The following XKR4 variants were observed in gnomAD, a reference collection of about 807,000 sequenced individuals.
XKR4 encodes XK related 4, also known as XK-related protein 4.
Under a neutral mutation model 53.9 loss-of-function variants are expected in XKR4, and 12 were observed. The observed-to-expected ratio is 0.22, with a 90% confidence interval of 0.14 to 0.36. The LOEUF is 0.36. XKR4 is among the 10% of genes least tolerant of loss of function. The probability of loss-of-function intolerance (pLI) is 1.00; values close to 1 mark genes in which losing one functional copy is unlikely to be tolerated. For missense variants in XKR4, 799 were observed against 859.5 expected (o/e 0.93, Z 0.88); for synonymous variants, 354 against 362.4 (o/e 0.98, Z 0.26).
intron 1 of XKR4, among the ~76,000 whole-genome samples, chr8:55,311,405 A>G (rs1178597814): frequency 2.6e-5 from 4 of 152,154 alleles, no homozygotes; most frequent in African/African-American, 9.7e-5. Context: ...CAAAATAGGG[A>G]AGTGGTGAGA....
chr8:55,304,351 G>T (rs887060523), intron 1 of XKR4, among the ~76,000 whole-genome samples: 3 of 152,108 alleles, frequency 2.0e-5, no homozygotes, highest in Non-Finnish European at 4.4e-5. Flanking sequence ...ATTGCGCTGT[G>T]GTCTGAGAGA....
rs748272373 is a variant in XKR4, at chr8:55,523,304, G to C, written c.1030G>C (p.Val344Leu). The C allele has an allele frequency of 1.5e-5, 24 of 1,607,522 alleles. 1 individual carries two copies. The highest frequency in any genetic ancestry group is 2.2e-5 in the East Asian group (1 of 44,782). The change falls in exon 3 of 3, where the codon GTG becomes CTG. Residue 344 changes from valine (V) to leucine (L), a missense_variant. Physicochemically the swap from Val to Leu is conservative, Grantham distance 32 (BLOSUM62 1). This residue lies in a region of XKR4 where 476 missense variants were observed against 505.4 expected (regional missense o/e 0.94). Coordinates refer to ENST00000327381, the MANE Select transcript of XKR4 (RefSeq NM_052898.2). ...LQGFTAAASL[V>L]SLAWALASYQ... Reference sequence around the variant, plus strand: ...AGGTTTCACAGCGGCAGCTTCCCTCGTGTCCCTGGCCTGGGCCTTGGCCTC... The same window carrying C: ...AGGTTTCACAGCGGCAGCTTCCCTCCTGTCCCTGGCCTGGGCCTTGGCCTC...
At position 55,454,291 on chromosome 8, in the gene XKR4, G is replaced by C. The variant is rs1377522867; in HGVS notation, c.1007-68990G>C. 52 of 1,423,784 alleles carry C rather than the reference G, an allele frequency of 3.7e-5. 1 individual carries two copies. In the South Asian group the frequency reaches 4.1e-4, roughly 11 times the overall value. 88.2% of individuals were successfully genotyped at this position (1,423,784 alleles called of 1,614,324 possible). A position where few individuals can be genotyped will look rare whatever the true frequency, so the allele number is the denominator to read the frequency against. On this transcript the variant is annotated intron_variant, in intron 2 of 2. Coordinates refer to ENST00000327381, the MANE Select transcript of XKR4 (RefSeq NM_052898.2). ...CTAGCAGCTCCTGGGTCTCTGCCTG[G>C]AAGGCCGCATTGACCCCGATTATGA... is the stretch of plus-strand genomic sequence containing the variant.
chr8:55,328,926 C>T (rs1803336472), intron 1 of XKR4, among the ~76,000 whole-genome samples: 1 of 152,120 alleles, frequency 6.6e-6, no homozygotes, highest in African/African-American at 2.4e-5. Flanking sequence ...TATCAATTAT[C>T]TTGTTGGTGT....
chr8:55,381,689 C>T (rs563111510), intron 2 of XKR4, among the ~76,000 whole-genome samples: 172 of 152,318 alleles, frequency 1.1e-3, no homozygotes, highest in African/African-American at 3.7e-3. Context: ...CATGGACCGA[C>T]GTGCTGTTCT....
At chr8:55,295,861 G>A (rs1394994047) in intron 1 of XKR4, among the ~76,000 whole-genome samples, 1 of 152,138 alleles carries the variant, frequency 6.6e-6, no homozygotes, top group Non-Finnish European at 1.5e-5. Flanking sequence ...ATGTTTGAGT[G>A]TTTTAGTTAA....
intron 1 of XKR4, among the ~76,000 whole-genome samples, chr8:55,285,793 G>T (rs1818900199): frequency 6.6e-6 from 1 of 152,034 alleles, no homozygotes; most frequent in Non-Finnish European, 1.5e-5. Context: ...AAGTTCTATG[G>T]GCCCATAGGG....
chr8:55,183,304 A>G (rs1457837603), intron 1 of XKR4, among the ~76,000 whole-genome samples: 1 of 151,354 alleles, frequency 6.6e-6, no homozygotes, highest in Non-Finnish European at 1.5e-5. Flanking sequence ...TTCCTATGGT[A>G]AAAGCTTAGG....
At chr8:55,304,380 G>A (rs1201878835) in intron 1 of XKR4, among the ~76,000 whole-genome samples, 3 of 152,134 alleles carry the variant, frequency 2.0e-5, no homozygotes, top group Admixed American at 6.6e-5. Context: ...TATAATTTGT[G>A]TTCTTTTACA....
At chr8:55,442,278 A>G (rs191324371) in intron 2 of XKR4, among the ~76,000 whole-genome samples, 1 of 152,360 alleles carries the variant, frequency 6.6e-6, no homozygotes, top group African/African-American at 2.4e-5. Flanking sequence ...AAAATGAAAT[A>G]GATACCACTT....
Position 55,541,480 on chromosome 8 carries a change from T to A in XKR4, c.*17253T>A, listed in dbSNP as rs1036373492. On this transcript the variant is annotated 3_prime_UTR_variant, in exon 3 of 3. Transcript: ENST00000327381. ...AATGGAAGAGAATGGACCAGTAATT[T>A]CTCAGTCCCCTGTTGTCAACTATCT... 6.6e-6 allele frequency: 1 copy of A among 152,156 alleles called. No individual in the cohort carries two copies. The highest frequency in any genetic ancestry group is 2.4e-5 in the African/African-American group (1 of 41,436). The allele number at this position is 152,156 out of a possible 1,614,324, so 9.4% of individuals were successfully genotyped here. A position where few individuals can be genotyped will look rare whatever the true frequency, so the allele number is the denominator to read the frequency against.
In XKR4 at chr8:55,529,740, A is replaced by G. The variant is rs1420746342; in HGVS notation, c.*5513A>G. ...TAGTCCTGATTTGGCAAGTCTTCAG[A>G]AGAAACAGAATCATGGTCTGATGAT... On this transcript the variant is annotated 3_prime_UTR_variant, in exon 3 of 3. Transcript: ENST00000327381. The G allele has an allele frequency of 6.6e-6, 1 of 152,222 alleles. No individual in the cohort carries two copies. Among genetic ancestry groups the G allele is most frequent in the African/African-American group, 2.4e-5 (1 of 41,462 alleles). 9.4% of individuals were successfully genotyped at this position (152,222 alleles called of 1,614,324 possible). A position where few individuals can be genotyped will look rare whatever the true frequency, so the allele number is the denominator to read the frequency against.
chr8:55,354,579 CT>C (rs1308119384), intron 1 of XKR4, among the ~76,000 whole-genome samples: 1 of 152,076 alleles, frequency 6.6e-6, no homozygotes, highest in African/African-American at 2.4e-5. Flanking sequence ...CTCAGCTATC[CT>C]GGCCCACTCA....
rs148305456 is a variant in XKR4 at position 55,307,056 on chromosome 8, G to T, written c.807-50622G>T. Among the ~76,000 whole-genome samples the T allele has an allele frequency of 5.0e-3, 757 of 151,542 alleles. 3 individuals carry two copies. The highest frequency in any genetic ancestry group is 0.011 in the East Asian group (54 of 5,134). The stretch of plus-strand genomic sequence containing the variant: ...TACACTTTTAGAAAAAAAAATAGGA[G>T]AAAATATTTGAGACCTAGGACTAGG... On this transcript the variant is annotated intron_variant, in intron 1 of 2. Coordinates refer to ENST00000327381, the MANE Select transcript of XKR4 (RefSeq NM_052898.2).
intron 1 of XKR4, among the ~76,000 whole-genome samples, chr8:55,356,273 TACACAATATCACCTGCCAAAAGCAGTCGA>T (rs1940124514): frequency 6.6e-6 from 1 of 152,202 alleles, no homozygotes; most frequent in Non-Finnish European, 1.5e-5. Context: ...CTGATGAAAG[TACACAATATCACCTGCCAAAAGCAGTCGA>T]ACTTGAAGCT....
chr8:55,390,488 C>T (rs889909984), intron 2 of XKR4, among the ~76,000 whole-genome samples: 4 of 152,166 alleles, frequency 2.6e-5, no homozygotes, highest in African/African-American at 9.7e-5. Flanking sequence ...TTTTCTCTAA[C>T]ATATAGGAAA....
At chr8:55,255,882 C>T (rs1818432940) in intron 1 of XKR4, among the ~76,000 whole-genome samples, 1 of 151,686 alleles carries the variant, frequency 6.6e-6, no homozygotes, top group African/African-American at 2.4e-5. Context: ...AGATGGTAGA[C>T]AAAGGGTATG....
At chr8:55,204,233 T>C (rs541721012) in intron 1 of XKR4, among the ~76,000 whole-genome samples, 9 of 152,278 alleles carry the variant, frequency 5.9e-5, no homozygotes, top group Middle Eastern at 3.4e-3. Flanking sequence ...CTTGAACTCC[T>C]GGCTTCAAGT....
chr8:55,409,522 C>G (rs1316177635), intron 2 of XKR4, among the ~76,000 whole-genome samples: 3 of 151,642 alleles, frequency 2.0e-5, no homozygotes, highest in Admixed American at 2.0e-4. Flanking sequence ...AGCGTAGAGA[C>G]TGAAATGGGA....
Sources: allele counts gnomAD v4.1 joint callset (sites outside exome capture counted in the v4.1 genomes callset), GRCh38; gene constraint gnomAD v4.1.1; regional missense constraint gnomAD v4.1.1; transcripts MANE v1.5; gene names NCBI Gene and HGNC (gene_info 2026-07-23, HGNC 2026-07-21).